The following BACE2 variants were observed in gnomAD, a reference collection of about 807,000 sequenced individuals.
BACE2 encodes beta-secretase 2.
A neutral mutation model predicts 46.2 loss-of-function variants in BACE2; 17 were observed. The ratio of observed to expected loss-of-function variants is 0.37; its 90% CI spans 0.25 to 0.55. The LOEUF (loss-of-function observed/expected upper bound fraction) is 0.55. BACE2 is among the 20% of genes least tolerant of loss of function. The probability of loss-of-function intolerance (pLI) is 0.82; values close to 1 mark genes in which losing one functional copy is unlikely to be tolerated. For missense variants in BACE2, 595 were observed against 698.1 expected (o/e 0.85, Z 1.66); for synonymous variants, 277 against 295.9 (o/e 0.94, Z 0.66).
chr21:41,271,539 C>A (rs2088434898), intron 8 of BACE2, among the ~76,000 whole-genome samples: 1 of 152,068 alleles, frequency 6.6e-6, no homozygotes, highest in South Asian at 2.1e-4. Flanking sequence ...AACTATTTTT[C>A]TTTTTGTCTC....
At chr21:41,268,361 T>G (rs1436921825) in intron 8 of BACE2, among the ~76,000 whole-genome samples, 2 of 152,126 alleles carry the variant, frequency 1.3e-5, no homozygotes, top group East Asian at 3.8e-4. Flanking sequence ...ATCAATCCAG[T>G]ATAAAACATT....
intron 1 of BACE2, among the ~76,000 whole-genome samples, chr21:41,208,332 G>C (rs1235592912): frequency 6.6e-6 from 1 of 152,238 alleles, no homozygotes; most frequent in African/African-American, 2.4e-5. Flanking sequence ...GGTGAAAACA[G>C]TATTTGAAGC....
intron 2 of BACE2, among the ~76,000 whole-genome samples, chr21:41,227,613 G>T (rs955707110): frequency 2.0e-5 from 3 of 152,212 alleles, no homozygotes; most frequent in Non-Finnish European, 4.4e-5. Context: ...GCTTGCTGGG[G>T]AGAGGGCTGT....
chr21:41,246,868 C>A (rs746845608), intron 6 of BACE2, among the ~76,000 whole-genome samples: 1 of 152,196 alleles, frequency 6.6e-6, no homozygotes, highest in Non-Finnish European at 1.5e-5. Flanking sequence ...GTCTTCTCAA[C>A]TGAGGGGTGG....
intron 1 of BACE2, among the ~76,000 whole-genome samples, chr21:41,173,394 T>G (rs1984674866): frequency 6.6e-6 from 1 of 152,226 alleles, no homozygotes; most frequent in African/African-American, 2.4e-5. Flanking sequence ...GTGTTTCTGC[T>G]TCCCTTCTGT....
intron 1 of BACE2, among the ~76,000 whole-genome samples, chr21:41,172,918 C>T (rs542173443): frequency 5.9e-5 from 9 of 152,224 alleles, no homozygotes; most frequent in Non-Finnish European, 1.3e-4. Flanking sequence ...TTCCTTCCCT[C>T]TTCTTAGTGT....
At chr21:41,171,667 A>G (rs927921290) in intron 1 of BACE2, among the ~76,000 whole-genome samples, 1 of 152,208 alleles carries the variant, frequency 6.6e-6, no homozygotes, top group African/African-American at 2.4e-5. Context: ...AATTACAGCA[A>G]TTTCTATTAT....
chr21:41,195,249 A>G (rs534473714), intron 1 of BACE2, among the ~76,000 whole-genome samples: 217 of 152,366 alleles, frequency 1.4e-3, no homozygotes, highest in South Asian at 3.3e-3. Flanking sequence ...GTCTGGCCCT[A>G]TACAGAAAAA....
rs563038602 is a variant in BACE2, at chr21:41,281,219, G to A, written c.*5595G>A. ...AAAGTCCAAACTGTGTAGAACACAC[G>A]TGTGCCTCACACATAGCCATCTGAG... On this transcript the variant is annotated 3_prime_UTR_variant, in exon 9 of 9. Coordinates refer to ENST00000330333, the MANE Select transcript of BACE2 (RefSeq NM_012105.5). 2.9e-4 allele frequency: 44 copies of A among 152,290 alleles called. No homozygotes were observed. The highest frequency in any genetic ancestry group is 5.3e-4 in the Non-Finnish European group (36 of 68,006). 9.4% of individuals were successfully genotyped at this position (152,290 alleles called of 1,614,324 possible). A position where few individuals can be genotyped will look rare whatever the true frequency, so the allele number is the denominator to read the frequency against.
At chr21:41,249,776 G>A (rs1363101827) in intron 6 of BACE2, among the ~76,000 whole-genome samples, 2 of 152,160 alleles carry the variant, frequency 1.3e-5, no homozygotes, top group Non-Finnish European at 2.9e-5. Flanking sequence ...AGACACATCA[G>A]ATACAGTCCT....
rs530453114 is a variant in BACE2 at position 41,274,958 on chromosome 21, G to A, written c.1304-413G>A. Among the ~76,000 whole-genome samples, 5 of 152,254 alleles carry A rather than the reference G, an allele frequency of 3.3e-5. No individual in the cohort carries two copies. In the South Asian group the frequency reaches 6.2e-4, roughly 19 times the overall value. On this transcript the variant is annotated intron_variant, in intron 8 of 8. Coordinates refer to ENST00000330333, the MANE Select transcript of BACE2 (RefSeq NM_012105.5). ...AGGCAGGTCCAGCTGAGCTTTCTGC[G>A]GTAAATTCTCCTTCTCTTTCTCCTC... is the stretch of plus-strand genomic sequence containing the variant.
intron 1 of BACE2, among the ~76,000 whole-genome samples, chr21:41,212,792 C>G (rs150568759): frequency 1.9e-3 from 292 of 152,250 alleles, no homozygotes; most frequent in Non-Finnish European, 3.6e-3. Context: ...AAGTGAGTGC[C>G]CAAGGAATAT....
chr21:41,220,799 C>T (rs1986617843), intron 1 of BACE2, among the ~76,000 whole-genome samples: 1 of 151,728 alleles, frequency 6.6e-6, no homozygotes, highest in African/African-American at 2.4e-5. Flanking sequence ...AGCTCTTACA[C>T]ATTTTCTAGG....
At chr21:41,252,910 G>A (rs1022889746) in intron 7 of BACE2, among the ~76,000 whole-genome samples, 6 of 117,664 alleles carry the variant, frequency 5.1e-5, no homozygotes, top group South Asian at 2.6e-4. Context: ...AATTCAGGCC[G>A]ACAGGAGATA....
Position 41,234,537 on chromosome 21 carries a change from C to G in BACE2, c.402-2976C>G, listed in dbSNP as rs187041141. Among the ~76,000 whole-genome samples, 67 of 152,314 alleles carry G rather than the reference C, an allele frequency of 4.4e-4. 1 individual carries two copies. The highest frequency in any genetic ancestry group is 1.6e-3 in the African/African-American group (66 of 41,568). Reference sequence around the variant, plus strand: ...TCACAGAGATCCCATGGCCTACAAACCTAAAACGTCTATTATTTGTTTCTT... The same window carrying G: ...TCACAGAGATCCCATGGCCTACAAAGCTAAAACGTCTATTATTTGTTTCTT... On this transcript the variant is annotated intron_variant, in intron 2 of 8. Transcript: ENST00000330333.
intron 1 of BACE2, among the ~76,000 whole-genome samples, chr21:41,202,918 A>G (rs1986007160): frequency 6.6e-6 from 1 of 152,134 alleles, no homozygotes; most frequent in Non-Finnish European, 1.5e-5. Flanking sequence ...ATGACCCCCC[A>G]AGATTTTCAT....
chr21:41,281,923 T>C lies in BACE2; in HGVS notation c.*6299T>C, dbSNP rs1429405311. On this transcript the variant is annotated 3_prime_UTR_variant, in exon 9 of 9. Transcript: ENST00000330333. ...GAGGGCAGCGAATGAATGAGATTTG[T>C]CATGTGCTAATAAAAGCTGAATTTT... The C allele has an allele frequency of 6.6e-6, 1 of 152,242 alleles. No individual in the cohort carries two copies. The highest frequency in any genetic ancestry group is 2.4e-5 in the African/African-American group (1 of 41,466). The allele number at this position is 152,242 out of a possible 1,614,324, so 9.4% of individuals were successfully genotyped here.
intron 8 of BACE2, among the ~76,000 whole-genome samples, chr21:41,272,526 GT>G (rs1198472054): frequency 2.0e-5 from 3 of 148,824 alleles, no homozygotes; most frequent in East Asian, 2.0e-4. Flanking sequence ...TATTGTTTTG[GT>G]TTTTTTTAAA....
chr21:41,189,635 G>A (rs1985497885), intron 1 of BACE2, among the ~76,000 whole-genome samples: 1 of 152,162 alleles, frequency 6.6e-6, no homozygotes, highest in Non-Finnish European at 1.5e-5. Context: ...ACTATCTCAT[G>A]ATTATTGGCT....
Sources: gnomAD v4.1 joint callset for allele counts (sites outside exome capture counted in the v4.1 genomes callset) on GRCh38, gnomAD v4.1.1 for gene constraint, MANE v1.5 for transcripts, NCBI Gene and HGNC (gene_info 2026-07-23, HGNC 2026-07-21) for gene names.